TENM3: variants seen among roughly 807,000 people sequenced by gnomAD.
TENM3 encodes teneurin transmembrane protein 3.
TENM3 carries 63 observed loss-of-function variants against 255.1 expected under a neutral mutation model. The observed-to-expected ratio is 0.25, with a 90% CI of 0.20 to 0.30. TENM3 has a LOEUF of 0.30. TENM3 is among the 10% of genes least tolerant of loss of function. The pLI, the probability that TENM3 is intolerant of heterozygous loss-of-function variation, is 1.00. For synonymous variants in TENM3, 1,306 were observed against 1,322.3 expected, an observed-to-expected ratio of 0.99 and a Z score of 0.27; for missense variants, 2,929 against 3,461.1, an observed-to-expected ratio of 0.85 and a Z score of 3.86.
At chr4:182,229,495 T>C (rs935037843) in intron 1 of TENM3, among the ~76,000 whole-genome samples, 13 of 152,310 alleles carry the variant, frequency 8.5e-5, no homozygotes, top group African/African-American at 2.6e-4. Context: ...TTTGTAAAAA[T>C]GCATCTCACT....
At chr4:182,336,038 T>G (rs527695494) in intron 2 of TENM3, among the ~76,000 whole-genome samples, 1 of 152,322 alleles carries the variant, frequency 6.6e-6, no homozygotes, top group African/African-American at 2.4e-5. Context: ...CCAGGGAATA[T>G]GCCTAGGAAG....
At chr4:182,778,161 G>T (rs1308561503) in intron 24 of TENM3, among the ~76,000 whole-genome samples, 1 of 152,000 alleles carries the variant, frequency 6.6e-6, no homozygotes, top group East Asian at 1.9e-4. Context: ...GGGCTGGATT[G>T]TAGAACCTGC....
chr4:182,543,279 C>G (rs1264289714), intron 3 of TENM3, among the ~76,000 whole-genome samples: 1 of 151,892 alleles, frequency 6.6e-6, no homozygotes, highest in Admixed American at 6.6e-5. Flanking sequence ...AACATAGAGA[C>G]CAGGAGAAGA....
chr4:182,325,987 GC>G (rs1215342027), intron 2 of TENM3, among the ~76,000 whole-genome samples: 1 of 152,174 alleles, frequency 6.6e-6, no homozygotes, highest in Admixed American at 6.5e-5. Context: ...CCCGGCGGTA[GC>G]ATTTGTAGAA....
At chr4:182,549,574 A>G (rs1741802729) in intron 3 of TENM3, among the ~76,000 whole-genome samples, 1 of 152,200 alleles carries the variant, frequency 6.6e-6, no homozygotes, top group African/African-American at 2.4e-5. Context: ...CCGCAGAAGC[A>G]GTCCACCCAT....
the TENM3 span, among the ~76,000 whole-genome samples, chr4:181,592,649 G>A: frequency 6.8e-6 from 1 of 147,618 alleles, no homozygotes; most frequent in Non-Finnish European, 1.5e-5. Context: ...TTTGGAGACT[G>A]CTGAAAATCT....
the TENM3 span, among the ~76,000 whole-genome samples, chr4:182,051,244 A>G: frequency 2.0e-5 from 3 of 151,702 alleles, no homozygotes; most frequent in Non-Finnish European, 4.4e-5. Flanking sequence ...TCGGGAGGCT[A>G]AGGCAGGAGA....
chr4:181,550,068 A>G, the TENM3 span, among the ~76,000 whole-genome samples: 1 of 152,196 alleles, frequency 6.6e-6, no homozygotes, highest in East Asian at 1.9e-4. Context: ...AACACTTCCA[A>G]TTGACTAAAA....
At chr4:182,612,577 C>G (rs1200472159) in intron 4 of TENM3, among the ~76,000 whole-genome samples, 1 of 152,176 alleles carries the variant, frequency 6.6e-6, no homozygotes, top group East Asian at 1.9e-4. Context: ...TGAATACCTT[C>G]TTATCTCACT....
chr4:182,654,890 A>T (rs986459029), intron 6 of TENM3, among the ~76,000 whole-genome samples: 8 of 152,232 alleles, frequency 5.3e-5, no homozygotes, highest in Admixed American at 1.3e-4. Context: ...ACTTTATGAC[A>T]TTCTCTTTCT....
chr4:182,306,927 T>C (rs753534180), intron 1 of TENM3, among the ~76,000 whole-genome samples: 10 of 152,214 alleles, frequency 6.6e-5, no homozygotes, highest in East Asian at 1.9e-4. Context: ...GCTAAAGTCA[T>C]AGCTGGATCT....
chr4:182,368,225 T>G (rs1205740840), intron 3 of TENM3, among the ~76,000 whole-genome samples: 1 of 152,186 alleles, frequency 6.6e-6, no homozygotes, highest in Non-Finnish European at 1.5e-5. Context: ...CATGGGAACC[T>G]CCTGAGAACA....
the TENM3 span, among the ~76,000 whole-genome samples, chr4:181,873,493 T>G: frequency 3.3e-5 from 5 of 152,250 alleles, no homozygotes; most frequent in Non-Finnish European, 5.9e-5. Context: ...TCTCTTATGA[T>G]TTATTCTTTC....
chr4:182,209,283 A>C (rs200385828), intron 1 of TENM3, among the ~76,000 whole-genome samples: 1 of 3,806 alleles, frequency 2.6e-4, no homozygotes, highest in African/African-American at 1.1e-3. Context: ...GTCCCTCTTT[A>C]AAAAAAAAAA....
chr4:181,469,944 T>G, the TENM3 span, among the ~76,000 whole-genome samples: 1 of 151,950 alleles, frequency 6.6e-6, no homozygotes, highest in Non-Finnish European at 1.5e-5. Context: ...TTAAGTCTGA[T>G]TATTATGTAC....
intron 8 of TENM3, 60 bp from the exon 9 acceptor site, chr4:182,680,188 G>GT (rs1211206481): frequency 8.4e-7 from 1 of 1,194,808 alleles, no homozygotes; most frequent in East Asian, 2.4e-5. Flanking sequence ...AAGTGATACC[G>GT]TTTATCTTTT....
chr4:182,537,129 G>A (rs1158917522), intron 3 of TENM3, among the ~76,000 whole-genome samples: 1 of 152,180 alleles, frequency 6.6e-6, no homozygotes, highest in African/African-American at 2.4e-5. Context: ...GATAATATCT[G>A]CCATTTCTCT....
At chr4:181,783,764 G>A in the TENM3 span, among the ~76,000 whole-genome samples, 2 of 152,174 alleles carry the variant, frequency 1.3e-5, no homozygotes, top group African/African-American at 4.8e-5. Context: ...CACAGTCATA[G>A]CTCACTGCTA....
At chr4:182,485,705 C>A (rs1053321470) in intron 3 of TENM3, among the ~76,000 whole-genome samples, 2 of 152,074 alleles carry the variant, frequency 1.3e-5, no homozygotes, top group Non-Finnish European at 2.9e-5. Flanking sequence ...ATCTGAAAAA[C>A]CAGTATTTCG....
Sources: gnomAD v4.1 joint callset for allele counts (sites outside exome capture counted in the v4.1 genomes callset) on GRCh38, gnomAD v4.1.1 for gene constraint, MANE v1.5 for transcripts, NCBI Gene and HGNC (gene_info 2026-07-23, HGNC 2026-07-21) for gene names.